Variants in KCNH7 observed in about 807,000 individuals in gnomAD.
KCNH7 encodes the protein potassium voltage-gated channel subfamily H member 7.
Under a neutral mutation model 120.8 loss-of-function variants are expected in KCNH7, and 49 were observed. The observed-to-expected ratio is 0.41, with a 90% confidence interval of 0.32 to 0.51. KCNH7 has a LOEUF of 0.51. Among genes scored for constraint, KCNH7 ranks in the 20% least tolerant of loss-of-function variants. The pLI, the probability that KCNH7 is intolerant of heterozygous loss-of-function variation, is 0.38. For synonymous variants in KCNH7, 547 were observed against 516.1 expected, an observed-to-expected ratio of 1.06 and a Z score of -0.81; for missense variants, 1,097 against 1,446.6, an observed-to-expected ratio of 0.76 and a Z score of 3.92.
At chr2:162,537,168 G>A in intron 2 of KCNH7, 88 bp from the exon 3 acceptor site, 4 of 1,004,642 alleles carry the variant, frequency 4.0e-6, no homozygotes, top group Non-Finnish European at 5.7e-6. Flanking sequence ...TACTCTTAAG[G>A]AAATTTGTAT....
chr2:162,382,886 A>G (rs547747136), intron 13 of KCNH7, among the ~76,000 whole-genome samples: 19 of 152,148 alleles, frequency 1.2e-4, no homozygotes, highest in African/African-American at 3.6e-4. Flanking sequence ...AAGCTATATG[A>G]TATCAATTCA....
intron 3 of KCNH7, among the ~76,000 whole-genome samples, chr2:162,518,959 A>T (rs1691421135): frequency 6.6e-6 from 1 of 151,564 alleles, no homozygotes; most frequent in African/African-American, 2.4e-5. Context: ...ATATAACATT[A>T]AAATATTAAA....
chr2:162,778,946 C>CTTTTTTTTTTTTTTTTTTTT (rs200107249), intron 2 of KCNH7, among the ~76,000 whole-genome samples: 1 of 136,492 alleles, frequency 7.3e-6, no homozygotes, highest in Non-Finnish European at 1.6e-5. Flanking sequence ...GGAACAAATT[C>CTTTTTTTTTTTTTTTTTTTT]TTTTTTTTTT....
At chr2:162,620,508 A>G (rs1171501382) in intron 2 of KCNH7, among the ~76,000 whole-genome samples, 5 of 152,032 alleles carry the variant, frequency 3.3e-5, no homozygotes, top group Non-Finnish European at 1.5e-5. Flanking sequence ...ATTTTAGATC[A>G]TGGTCTCTTT....
At chr2:162,516,840 C>T (rs772062433) in intron 4 of KCNH7, among the ~76,000 whole-genome samples, 1 of 151,672 alleles carries the variant, frequency 6.6e-6, no homozygotes, top group African/African-American at 2.4e-5. Context: ...AGTTTGAAGC[C>T]GGGCTCTGAC....
rs1423788068 is a variant in KCNH7, at chr2:162,836,580, C to T, written c.264G>A (p.Gly88=). 3.1e-6 allele frequency: 5 copies of T among 1,614,082 alleles called. No individual in the cohort carries two copies. In the South Asian group the frequency reaches 3.3e-5, roughly 11 times the overall value. ...DIAQIAQALL[G]SEERKVEVTY... ...TGACCTCCACTTTCCTCTCTTCTGA[C>T]CCCAGCAATGCCTGGGCAATTTGGG... Residue 88 remains glycine, a synonymous_variant, in exon 2 of 16, where the codon GGG becomes GGA. Transcript: ENST00000332142.
intron 2 of KCNH7, among the ~76,000 whole-genome samples, chr2:162,801,115 T>C (rs1170990998): frequency 6.6e-6 from 1 of 151,798 alleles, no homozygotes; most frequent in African/African-American, 2.4e-5. Flanking sequence ...AAAAATTATT[T>C]GATGTATTCC....
chr2:162,682,823 A>T (rs1685758523), intron 2 of KCNH7, among the ~76,000 whole-genome samples: 1 of 151,820 alleles, frequency 6.6e-6, no homozygotes, highest in Non-Finnish European at 1.5e-5. Context: ...TCAATATCAC[A>T]ACATTTATAT....
intron 2 of KCNH7, among the ~76,000 whole-genome samples, chr2:162,693,806 G>A (rs1420877020): frequency 6.6e-6 from 1 of 152,120 alleles, no homozygotes; most frequent in East Asian, 1.9e-4. Context: ...TCAATGTAAG[G>A]TGAACACAAA....
At chr2:162,497,499 G>A (rs79766217) in intron 6 of KCNH7, among the ~76,000 whole-genome samples, 2,056 of 152,224 alleles carry the variant, frequency 0.014, 18 homozygotes, top group Non-Finnish European at 0.021. Flanking sequence ...CTCAGATTAG[G>A]ACATTTGGTG....
At chr2:162,416,032 C>G (rs746257973) in intron 9 of KCNH7, among the ~76,000 whole-genome samples, 2 of 152,046 alleles carry the variant, frequency 1.3e-5, no homozygotes, top group Non-Finnish European at 2.9e-5. Context: ...GATATCTAGT[C>G]AAAGGGAATT....
rs192175430 is a variant in KCNH7, at chr2:162,448,285, G to A, written c.1129-1842C>T. Among the ~76,000 whole-genome samples, 10 of 152,122 alleles carry A rather than the reference G, an allele frequency of 6.6e-5. 1 individual carries two copies. Among genetic ancestry groups the A allele is most frequent in the Admixed American group, 6.6e-4 (10 of 15,236 alleles). ...TGTGACATTTTGGTCTGTACAAAAG[G>A]AAATATGTCATGTTCCTTTCTAGAA... is the stretch of plus-strand genomic sequence containing the variant. On this transcript the variant is annotated intron_variant, in intron 6 of 15. Transcript: ENST00000332142.
At chr2:162,408,651 C>T (rs1208179142) in intron 9 of KCNH7, among the ~76,000 whole-genome samples, 1 of 151,808 alleles carries the variant, frequency 6.6e-6, no homozygotes. Flanking sequence ...CCCTGCCTAT[C>T]CCAACTATAA....
intron 8 of KCNH7, among the ~76,000 whole-genome samples, chr2:162,429,383 CTTTTTTTTT>C (rs60854157): frequency 1.2e-5 from 1 of 86,270 alleles, no homozygotes; most frequent in Non-Finnish European, 2.0e-5. Context: ...AGGAAAAAGT[CTTTTTTTTT>C]TTTTTTTTTT....
chr2:162,639,151 G>T (rs1214498289), intron 2 of KCNH7, among the ~76,000 whole-genome samples: 1 of 152,058 alleles, frequency 6.6e-6, no homozygotes. Context: ...TTTCATCCCA[G>T]TTGAGAACAA....
chr2:162,380,426 C>G (rs182625391), intron 13 of KCNH7, among the ~76,000 whole-genome samples: 12 of 152,140 alleles, frequency 7.9e-5, no homozygotes, highest in African/African-American at 2.6e-4. Context: ...AGGGCTCTTT[C>G]CCACAGGATA....
intron 2 of KCNH7, among the ~76,000 whole-genome samples, chr2:162,635,466 C>T (rs1683922777): frequency 6.6e-6 from 1 of 151,974 alleles, no homozygotes; most frequent in South Asian, 2.1e-4. Context: ...CTGGGGTGCT[C>T]TGAATTATCT....
At chr2:162,794,152 T>TA (rs200738022) in intron 2 of KCNH7, among the ~76,000 whole-genome samples, 2,570 of 151,086 alleles carry the variant, frequency 0.017, 65 homozygotes, top group African/African-American at 0.054. Context: ...TTTCAGAACT[T>TA]AAAAAAAATA....
At chr2:162,436,652 TA>T (rs570150267) in intron 7 of KCNH7, among the ~76,000 whole-genome samples, 250 of 152,312 alleles carry the variant, frequency 1.6e-3, no homozygotes, top group Middle Eastern at 6.8e-3. Flanking sequence ...ATTATTGAGT[TA>T]TTTTATCTGT....
Sources: allele counts gnomAD v4.1 joint callset (sites outside exome capture counted in the v4.1 genomes callset), GRCh38; gene constraint gnomAD v4.1.1; transcripts MANE v1.5; gene names NCBI Gene and HGNC (gene_info 2026-07-23, HGNC 2026-07-21).